The following INSL6 variants were observed in gnomAD, a reference collection of about 807,000 sequenced individuals.
INSL6 encodes insulin like 6, also known as insulin-like peptide INSL6.
In INSL6, 16 loss-of-function variants were observed where a neutral mutation model predicts 9.4. The observed-to-expected ratio is 1.70, with a 90% CI of 1.15 to 2.59. INSL6 has a LOEUF of 2.59. Ranked by LOEUF, INSL6 falls within the 30% of genes most tolerant of loss-of-function variation. The pLI is 0.00. For synonymous variants in INSL6, 154 were observed against 96.9 expected, an observed-to-expected ratio of 1.59 and a Z score of -3.46; for missense variants, 391 against 257.3, an observed-to-expected ratio of 1.52 and a Z score of -3.56.
At chr9:5,113,272 G>A in the INSL6 span, among the ~76,000 whole-genome samples, 1 of 113,044 alleles carries the variant, frequency 8.8e-6, no homozygotes, top group Admixed American at 1.1e-4. Flanking sequence ...TGTCAGAAAA[G>A]AAAAAAATGC....
rs190778240 is a variant in INSL6 at position 5,174,284 on chromosome 9, T to A, written c.290-10019A>T. Among the ~76,000 whole-genome samples, 175 of 152,338 alleles carry A rather than the reference T, an allele frequency of 1.1e-3. 1 individual carries two copies. Among genetic ancestry groups the A allele is most frequent in the African/African-American group, 3.8e-3 (160 of 41,588 alleles). ...TCTTTTCTGTAACAAAACTCCTTGA[T>A]AGAGTTTTCTATATTTACTAATTTG... is the stretch of plus-strand genomic sequence containing the variant. On this transcript the variant is annotated intron_variant, in intron 1 of 1. Transcript: ENST00000381641.
the INSL6 span, among the ~76,000 whole-genome samples, chr9:5,049,343 C>T: frequency 1.3e-5 from 2 of 152,216 alleles, no homozygotes; most frequent in African/African-American, 4.8e-5. Context: ...TTTTAATCCA[C>T]ATTATTTCTT....
chr9:5,086,011 T>A, the INSL6 span: 25 of 822,064 alleles, frequency 3.0e-5, no homozygotes, highest in Non-Finnish European at 4.7e-5. Context: ...AACTGTGATA[T>A]ACTATATACA....
the INSL6 span, among the ~76,000 whole-genome samples, chr9:5,115,516 A>C: frequency 1.3e-5 from 2 of 152,208 alleles, no homozygotes; most frequent in African/African-American, 4.8e-5. Flanking sequence ...TTCCTCCAGG[A>C]TCCAGAGTTA....
the INSL6 span, among the ~76,000 whole-genome samples, chr9:5,118,657 A>G: frequency 6.6e-6 from 1 of 152,326 alleles, no homozygotes; most frequent in Admixed American, 6.5e-5. Flanking sequence ...CACTTTACAG[A>G]TGTAAACGCT....
the INSL6 span, among the ~76,000 whole-genome samples, chr9:5,027,629 C>A: frequency 6.6e-6 from 1 of 152,116 alleles, no homozygotes; most frequent in African/African-American, 2.4e-5. Flanking sequence ...AGCATTTTAC[C>A]CGCAGTAGAA....
the INSL6 span, among the ~76,000 whole-genome samples, chr9:5,012,235 T>C: frequency 6.6e-6 from 1 of 152,306 alleles, no homozygotes; most frequent in African/African-American, 2.4e-5. Flanking sequence ...AGACTGTGTA[T>C]GTAGTTGTCT....
the INSL6 span, among the ~76,000 whole-genome samples, chr9:5,087,528 T>G: frequency 2.0e-5 from 3 of 152,190 alleles, no homozygotes; most frequent in Non-Finnish European, 4.4e-5. Context: ...TGGTTTTCTA[T>G]CTTAAATCTT....
chr9:5,093,083 A>T, the INSL6 span, among the ~76,000 whole-genome samples: 3 of 152,184 alleles, frequency 2.0e-5, no homozygotes, highest in African/African-American at 7.2e-5. Context: ...AATAGAAGCA[A>T]TAATGTTAAT....
chr9:5,185,008 T>C (rs1385908754), intron 1 of INSL6, among the ~76,000 whole-genome samples: 3 of 152,018 alleles, frequency 2.0e-5, no homozygotes, highest in East Asian at 1.9e-4. Flanking sequence ...ACAGGGAAAA[T>C]GATACTTAAG....
downstream of INSL6, among the ~76,000 whole-genome samples, chr9:5,119,939 A>C (rs10217652): frequency 1.3e-5 from 2 of 151,996 alleles, no homozygotes; most frequent in African/African-American, 4.8e-5. Context: ...TAGAATATGA[A>C]TTGATAAAAT....
intron 2 of INSL6, among the ~76,000 whole-genome samples, chr9:5,139,930 G>A (rs1824464670): frequency 6.6e-6 from 1 of 152,160 alleles, no homozygotes; most frequent in African/African-American, 2.4e-5. Flanking sequence ...GAACAAAAAT[G>A]TGTCAGATGT....
At chr9:5,178,697 AACCACAC>A (rs1360889431) in intron 1 of INSL6, among the ~76,000 whole-genome samples, 2 of 152,140 alleles carry the variant, frequency 1.3e-5, no homozygotes, top group Non-Finnish European at 2.9e-5. Context: ...ACTCAAATAA[AACCACAC>A]ACCACACACC....
intron 1 of INSL6, among the ~76,000 whole-genome samples, chr9:5,182,945 T>G (rs1376680835): frequency 1.3e-5 from 2 of 152,168 alleles, no homozygotes; most frequent in Admixed American, 6.5e-5. Context: ...AAAAAGCATT[T>G]TTTAATAGCA....
intron 2 of INSL6, among the ~76,000 whole-genome samples, chr9:5,141,731 C>T (rs1400350936): frequency 6.6e-6 from 1 of 152,178 alleles, no homozygotes; most frequent in Non-Finnish European, 1.5e-5. Flanking sequence ...AATTAGATCC[C>T]ATTTATCAAT....
chr9:5,129,261 A>G (rs1824191913), intron 3 of INSL6, among the ~76,000 whole-genome samples: 1 of 152,000 alleles, frequency 6.6e-6, no homozygotes, highest in Admixed American at 6.5e-5. Context: ...CTCCCCCTAA[A>G]TTGAAATAGT....
chr9:5,160,100 CG>C (rs1342453196), downstream of INSL6, among the ~76,000 whole-genome samples: 1 of 148,956 alleles, frequency 6.7e-6, no homozygotes, highest in Non-Finnish European at 1.5e-5. Flanking sequence ...CACTTGAACC[CG>C]GGGGATGGAG....
the INSL6 span, among the ~76,000 whole-genome samples, chr9:5,050,466 TTGCCATG>T: frequency 6.6e-6 from 1 of 152,158 alleles, no homozygotes; most frequent in Admixed American, 6.6e-5. Context: ...AGATGAGATC[TTGCCATG>T]TTGCCCAGGC....
At chr9:5,123,092 T>C (rs781617920), downstream of INSL6, 3 of 1,609,348 alleles carry the variant, frequency 1.9e-6, no homozygotes, top group South Asian at 2.2e-5. Context: ...ACTTTTCACA[T>C]ACATTGAGAA....
Sources: allele counts gnomAD v4.1 joint callset (sites outside exome capture counted in the v4.1 genomes callset), GRCh38; gene constraint gnomAD v4.1.1; transcripts MANE v1.5; gene names NCBI Gene and HGNC (gene_info 2026-07-23, HGNC 2026-07-21).